ZFR2: variants seen among roughly 807,000 people sequenced by gnomAD.
The protein encoded by ZFR2 is zinc finger RNA binding protein 2.
Under a neutral mutation model 105.7 loss-of-function variants are expected in ZFR2, and 104 were observed. The ratio of observed to expected loss-of-function variants is 0.98; its 90% CI spans 0.84 to 1.16. The LOEUF is 1.16. ZFR2 is among the 50% of genes most tolerant of loss of function. The probability of loss-of-function intolerance (pLI) is 0.00; values close to 1 mark genes in which losing one functional copy is unlikely to be tolerated. For synonymous variants in ZFR2, 634 were observed against 597.7 expected (o/e 1.06, Z -0.89); for missense variants, 1,425 against 1,355.5 (o/e 1.05, Z -0.80).
intron 1 of ZFR2, among the ~76,000 whole-genome samples, chr19:3,850,694 C>T (rs1027110282): frequency 1.3e-5 from 2 of 150,608 alleles, no homozygotes; most frequent in Non-Finnish European, 2.9e-5. Flanking sequence ...TCAGCCTGGG[C>T]AAGATACTGG....
At position 3,819,121 on chromosome 19, in the gene ZFR2, G is replaced by A. The variant is rs750531465; in HGVS notation, c.1855C>T (p.Arg619Trp). The change falls in exon 12 of 19, where the codon CGG (arginine) becomes TGG (tryptophan). Residue 619 changes from arginine (R) to tryptophan (W), a missense_variant. Arg to Trp is a moderately radical substitution (Grantham distance 101, BLOSUM62 -3). Transcript: ENST00000262961. The part of the protein sequence containing the change: ...AVQRAVSHAE[R>W]ALKLVSDTLA... ...GTGTCGGACACCAGCTTGAGGGCCC[G>A]CTCTGCGTGGGACACGGCCCTCTGC... The A allele has an allele frequency of 6.2e-6, 10 of 1,611,316 alleles. No homozygotes were observed. Among genetic ancestry groups the A allele is most frequent in the East Asian group, 2.2e-5 (1 of 44,884 alleles).
chr19:3,807,386 G>A, intron 17 of ZFR2, 117 bp from the exon 18 acceptor site: 1 of 693,332 alleles, frequency 1.4e-6, no homozygotes, highest in East Asian at 2.8e-5. Flanking sequence ...GGCTATACTT[G>A]CAGCCGTGGC....
At chr19:3,807,605 G>A (rs1211550833) in intron 17 of ZFR2, among the ~76,000 whole-genome samples, 1 of 152,036 alleles carries the variant, frequency 6.6e-6, no homozygotes, top group Non-Finnish European at 1.5e-5. Flanking sequence ...GTGTGTGCAC[G>A]TGTGTGCTCA....
chr19:3,852,253 CCAGATGGGGCTCAGCTGGGTGGCTCTCCT>C (rs2038246936), intron 1 of ZFR2: 8 of 581,602 alleles, frequency 1.4e-5, no homozygotes, highest in Non-Finnish European at 2.2e-5. Context: ...GCTCTCCTGG[CCAGATGGGGCTCAGCTGGGTGGCTCTCCT>C]GGCTGAGGTG....
Position 3,807,244 on chromosome 19 carries a change from G to C in ZFR2, c.2571C>G (p.Cys857Trp). 1 of 1,560,488 alleles carries C rather than the reference G, an allele frequency of 6.4e-7. No homozygotes were observed. The highest frequency in any genetic ancestry group is 8.7e-7 in the Non-Finnish European group (1 of 1,151,540). The change falls in exon 18 of 19, where the codon TGC becomes TGG. Residue 857 changes from cysteine to tryptophan, a missense_variant. Transcript: ENST00000262961. The stretch of plus-strand genomic sequence containing the variant: ...CGAGGGCATCTGTCTGGTCTCTCTC[G>C]CAGGGATCCTGGAGCCCGGGCCCGT... ...LTDGPGLQDP[C>W]ERDQTDALEP...
At chr19:3,850,154 GAGA>G (rs1270177583) in intron 1 of ZFR2, among the ~76,000 whole-genome samples, 1 of 152,154 alleles carries the variant, frequency 6.6e-6, no homozygotes, top group African/African-American at 2.4e-5. Context: ...CACCCTCTGG[GAGA>G]AGGAGGGGCA....
At chr19:3,862,071 C>A (rs1599259017) in intron 1 of ZFR2, among the ~76,000 whole-genome samples, 3 of 152,082 alleles carry the variant, frequency 2.0e-5, no homozygotes, top group Middle Eastern at 3.2e-3. Context: ...CAGGAAAGAA[C>A]ACCAATATTC....
chr19:3,845,700 A>G (rs2038178688), intron 1 of ZFR2, among the ~76,000 whole-genome samples: 1 of 151,722 alleles, frequency 6.6e-6, no homozygotes, highest in African/African-American at 2.4e-5. Flanking sequence ...GAGGCTGAGG[A>G]AGGAGGGTCA....
At chr19:3,826,963 C>T (rs1299835017) in intron 6 of ZFR2, among the ~76,000 whole-genome samples, 5 of 151,960 alleles carry the variant, frequency 3.3e-5, no homozygotes, top group African/African-American at 1.2e-4. Context: ...GAAAGGAGTC[C>T]CCGCACGGTG....
At position 3,816,567 on chromosome 19, in the gene ZFR2, G is replaced by A. The variant is rs972180670; in HGVS notation, c.2103+107C>T. 2.4e-5 allele frequency: 34 copies of A among 1,441,536 alleles called. No individual in the cohort carries two copies. In the Admixed American group the frequency reaches 8.4e-4, roughly 36 times the overall value. 89.3% of individuals were successfully genotyped at this position (1,441,536 alleles called of 1,614,324 possible). A position where few individuals can be genotyped will look rare whatever the true frequency, so the allele number is the denominator to read the frequency against. ...GGCTTAATGCTTCTTGTACCTTAAA[G>A]TTGTGTAGTAACAAAGGTCCCCTGC... is the stretch of plus-strand genomic sequence containing the variant. On this transcript the variant is annotated intron_variant, in intron 13 of 18. Coordinates refer to ENST00000262961, the MANE Select transcript of ZFR2 (RefSeq NM_015174.2).
rs116078207 is a variant in ZFR2, at chr19:3,833,815, G to A, written c.265-37C>T. ...TTTCGGCAGGAGAGAGACAGAGAAC[G>A]GAGGAGAGCAGCTCAGGCGGTGGGT... On this transcript the variant is annotated intron_variant, in intron 2 of 18. Transcript: ENST00000262961. 6,078 of 1,515,218 alleles carry A rather than the reference G, an allele frequency of 4.0e-3. 180 individuals carry two copies. The African/African-American group carries it at 0.069, about 17-fold the overall frequency. The allele number at this position is 1,515,218 out of a possible 1,614,324, so 93.9% of individuals were successfully genotyped here. A position where few individuals can be genotyped will look rare whatever the true frequency, so the allele number is the denominator to read the frequency against.
intron 16 of ZFR2, 130 bp downstream of exon 16, chr19:3,810,620 C>G (rs1257585166): frequency 4.9e-6 from 4 of 814,754 alleles, no homozygotes; most frequent in Non-Finnish European, 7.3e-6. Context: ...CTCCCACGGC[C>G]TCTCCTGAGT....
intron 11 of ZFR2, among the ~76,000 whole-genome samples, chr19:3,819,894 G>A (rs4807515): frequency 0.15 from 23,149 of 151,784 alleles, 2,176 homozygotes; most frequent in East Asian, 0.31. Flanking sequence ...CTCGGGCTGC[G>A]GGGACAGGTG....
intron 8 of ZFR2, among the ~76,000 whole-genome samples, chr19:3,822,848 A>T (rs2037910141): frequency 6.6e-6 from 1 of 152,188 alleles, no homozygotes; most frequent in Non-Finnish European, 1.5e-5. Flanking sequence ...GCTCGGCTCC[A>T]CTGCTCACCA....
At position 3,823,275 on chromosome 19, in the gene ZFR2, G is replaced by A. The variant is rs2037914818; in HGVS notation, c.1342C>T (p.Gln448Ter). The part of the protein sequence containing the change: ...KEAPAGCSDA[Q>*]PVGPEYVEEV... ...TCCACATATTCCGGGCCCACCGGCT[G>A]CGCATCAGAGCAGCCCGCGGGAGCT... Residue 448 changes from glutamine (Q) to a stop codon, truncating the protein, a stop_gained, in exon 8 of 19, where the codon CAG (glutamine) becomes TAG (stop). Transcript: ENST00000262961. LOFTEE classifies it high-confidence loss of function. This position sits in a 1 kb window ranked among gnomAD's most constrained non-coding sequence, Gnocchi z 5.4. 6.2e-7 allele frequency: 1 copy of A among 1,613,902 alleles called. No homozygotes were observed. The highest frequency in any genetic ancestry group is 1.7e-5 in the Admixed American group (1 of 60,010).
chr19:3,819,070 G>C lies in ZFR2; in HGVS notation c.1906C>G (p.Arg636Gly), dbSNP rs565512014. 1 of 1,612,308 alleles carries C rather than the reference G, an allele frequency of 6.2e-7. No homozygotes were observed. Among genetic ancestry groups the C allele is most frequent in the Non-Finnish European group, 8.5e-7 (1 of 1,179,778 alleles). Residue 636 changes from arginine (R) to glycine (G), a missense_variant, in exon 12 of 19, where the codon CGA becomes GGA. Transcript: ENST00000262961. Reference sequence around the variant, plus strand: ...CTGCGCTTGTCACCCTCTTCCTCTCGGCGGCCCCGGTCCTCCTCGGCCAGT... The same window carrying C: ...CTGCGCTTGTCACCCTCTTCCTCTCCGCGGCCCCGGTCCTCCTCGGCCAGT... The part of the protein sequence containing the change: ...DTLAEEDRGR[R>G]EEEGDKRSSV...
rs2038052144 is a variant in ZFR2 at position 3,834,217 on chromosome 19, G to A, written c.265-439C>T. Among the ~76,000 whole-genome samples the A allele has an allele frequency of 6.6e-6, 1 of 152,178 alleles. No homozygotes were observed. Among genetic ancestry groups the A allele is most frequent in the African/African-American group, 2.4e-5 (1 of 41,440 alleles). On this transcript the variant is annotated intron_variant, in intron 2 of 18. Transcript: ENST00000262961. The surrounding 1 kb of genome is among the most constrained non-coding windows in gnomAD (Gnocchi z 5.3). ...GACGAGGTGCGGGTGGCAGAGCTGGGAAATTGGAGCATGGTCACGGGGGAC... is the reference window on the plus strand; with the variant it reads ...GACGAGGTGCGGGTGGCAGAGCTGGAAAATTGGAGCATGGTCACGGGGGAC...
At chr19:3,819,964 C>G (rs1170765692) in intron 11 of ZFR2, among the ~76,000 whole-genome samples, 1 of 152,098 alleles carries the variant, frequency 6.6e-6, no homozygotes, top group Non-Finnish European at 1.5e-5. Flanking sequence ...GAGGCGACCA[C>G]CCGGGGCTCC....
chr19:3,833,463 C>T, intron 3 of ZFR2: 1 of 452,988 alleles, frequency 2.2e-6, no homozygotes, highest in East Asian at 3.8e-5. Context: ...GTAGTCCCAG[C>T]TACTCGGGAG....
Sources: allele counts gnomAD v4.1 joint callset (sites outside exome capture counted in the v4.1 genomes callset), GRCh38; gene constraint gnomAD v4.1.1; non-coding constraint Gnocchi (gnomAD v3.1); transcripts MANE v1.5; gene names NCBI Gene and HGNC (gene_info 2026-07-23, HGNC 2026-07-21).